IL1RAPL1: variants seen among roughly 807,000 people sequenced by gnomAD.
IL1RAPL1 encodes interleukin 1 receptor accessory protein like 1, also known as interleukin-1 receptor accessory protein-like 1.
IL1RAPL1 carries 3 observed loss-of-function variants against 48.4 expected under a neutral mutation model. The ratio of observed to expected loss-of-function variants is 0.06; its 90% CI spans 0.03 to 0.16. The LOEUF (loss-of-function observed/expected upper bound fraction) is 0.16, where lower values mean the gene tolerates loss of function less well. Among genes scored for constraint, IL1RAPL1 ranks in the 10% least tolerant of loss-of-function variants. IL1RAPL1 has a pLI of 1.00. For synonymous variants in IL1RAPL1, 185 were observed against 187.7 expected (o/e 0.99, Z 0.12); for missense variants, 349 against 530.6 (o/e 0.66, Z 3.36).
chrX:29,156,400 G>C (rs1380065161), intron 2 of IL1RAPL1, among the ~76,000 whole-genome samples: 1 of 111,826 alleles, frequency 8.9e-6, no homozygotes, highest in Non-Finnish European at 1.9e-5. Context: ...GATCACAGTT[G>C]GTATTAGATT....
intron 1 of IL1RAPL1, among the ~76,000 whole-genome samples, chrX:28,679,882 A>G (rs899243367): frequency 1.8e-5 from 2 of 111,713 alleles, no homozygotes; most frequent in African/African-American, 6.5e-5. Context: ...TTTTGAAACC[A>G]GGAAGTATGA....
At chrX:29,789,344 G>A (rs772435798) in intron 6 of IL1RAPL1, among the ~76,000 whole-genome samples, 20 of 111,895 alleles carry the variant, frequency 1.8e-4, no homozygotes, top group Non-Finnish European at 3.2e-4. Flanking sequence ...TATGACAGTT[G>A]TTAGAAATGT....
intron 8 of IL1RAPL1, among the ~76,000 whole-genome samples, chrX:29,938,554 T>TA (rs1176973168): frequency 2.7e-5 from 3 of 111,834 alleles, no homozygotes; most frequent in Non-Finnish European, 5.6e-5. Context: ...GGTTAGAACT[T>TA]ACGTTTTTCT....
chrX:29,683,774 C>T (rs1228668190), intron 6 of IL1RAPL1, among the ~76,000 whole-genome samples: 1 of 112,130 alleles, frequency 8.9e-6, no homozygotes, highest in Non-Finnish European at 1.9e-5. Context: ...GAGTCTATGT[C>T]TCATCAAGTA....
intron 1 of IL1RAPL1, among the ~76,000 whole-genome samples, 193 bp downstream of exon 1, chrX:28,588,240 GTGTGTGTA>G (rs1569133890): frequency 9.6e-5 from 10 of 104,240 alleles, no homozygotes; most frequent in African/African-American, 1.8e-4. Flanking sequence ...GTGTGTGTGT[GTGTGTGTA>G]TGTGTGTGTG....
chrX:28,722,002 G>A (rs1392638628), intron 1 of IL1RAPL1, among the ~76,000 whole-genome samples: 7 of 111,524 alleles, frequency 6.3e-5, no homozygotes, highest in Admixed American at 1.9e-4. Context: ...CTGTAGCCTT[G>A]TAGTATAGTT....
chrX:29,443,703 A>G (rs1304667530), intron 5 of IL1RAPL1, among the ~76,000 whole-genome samples: 1 of 111,935 alleles, frequency 8.9e-6, no homozygotes, highest in Non-Finnish European at 1.9e-5. Context: ...TGCTTACAGT[A>G]TGGTGGGGTC....
At chrX:29,016,832 A>G (rs958136972) in intron 2 of IL1RAPL1, among the ~76,000 whole-genome samples, 1 of 111,527 alleles carries the variant, frequency 9.0e-6, no homozygotes, top group Non-Finnish European at 1.9e-5. Flanking sequence ...TATATTGTGC[A>G]GTGGTGAAGT....
chrX:29,809,573 T>A (rs964287319), intron 6 of IL1RAPL1, among the ~76,000 whole-genome samples: 21 of 111,367 alleles, frequency 1.9e-4, no homozygotes, highest in African/African-American at 6.5e-4. Flanking sequence ...AGTCATCTTT[T>A]TTTTTCTAAT....
At chrX:29,007,949 T>C (rs1463173212) in intron 2 of IL1RAPL1, among the ~76,000 whole-genome samples, 1 of 111,959 alleles carries the variant, frequency 8.9e-6, no homozygotes, top group Non-Finnish European at 1.9e-5. Context: ...TATTTTATTT[T>C]TTAACGCAGA....
intron 5 of IL1RAPL1, among the ~76,000 whole-genome samples, chrX:29,649,821 T>C (rs1925457043): frequency 1.8e-5 from 2 of 111,180 alleles, no homozygotes; most frequent in Non-Finnish European, 3.8e-5. Context: ...ACTAAACTTT[T>C]CATGTTTGCA....
chrX:29,745,866 T>C (rs1159081264), intron 6 of IL1RAPL1, among the ~76,000 whole-genome samples: 1 of 111,405 alleles, frequency 9.0e-6, no homozygotes. Flanking sequence ...TAAAGTCGAG[T>C]CTCTGCTATC....
intron 6 of IL1RAPL1, among the ~76,000 whole-genome samples, chrX:29,696,800 T>A (rs186496959): frequency 0.016 from 1,740 of 110,962 alleles, 39 homozygotes; most frequent in African/African-American, 0.055. Flanking sequence ...TTTTTTTTTT[T>A]AAATTGGTAG....
At chrX:29,166,049 T>G (rs1929780967) in intron 2 of IL1RAPL1, among the ~76,000 whole-genome samples, 1 of 112,761 alleles carries the variant, frequency 8.9e-6, no homozygotes, top group African/African-American at 3.2e-5. Flanking sequence ...TATGTAAAAA[T>G]AACTTTGCAT....
At chrX:28,967,398 A>T (rs1312308404) in intron 2 of IL1RAPL1, among the ~76,000 whole-genome samples, 1 of 110,556 alleles carries the variant, frequency 9.0e-6, no homozygotes, top group Non-Finnish European at 1.9e-5. Flanking sequence ...TTCCTTCTTT[A>T]CCCTTATATC....
At position 29,217,522 on chromosome X, in the gene IL1RAPL1, C is replaced by T. The variant is rs529170695; in HGVS notation, c.83-65416C>T. Among the ~76,000 whole-genome samples the T allele has an allele frequency of 9.9e-5, 11 of 111,486 alleles. No homozygotes were observed. The South Asian group carries it at 3.0e-3, about 30-fold the overall frequency. On this transcript the variant is annotated intron_variant, in intron 2 of 10. Coordinates refer to ENST00000378993, the MANE Select transcript of IL1RAPL1 (RefSeq NM_014271.4). ...TCTTTATTATCTTATTTTGTTCTTGCGAAGTTAAAACATGATAATCTTGGT... is the reference window on the plus strand; with the variant it reads ...TCTTTATTATCTTATTTTGTTCTTGTGAAGTTAAAACATGATAATCTTGGT...
At chrX:29,169,637 T>G (rs1173781282) in intron 2 of IL1RAPL1, among the ~76,000 whole-genome samples, 1 of 111,118 alleles carries the variant, frequency 9.0e-6, no homozygotes, top group Non-Finnish European at 1.9e-5. Flanking sequence ...CCATGATTTC[T>G]TAAAGAGTAT....
intron 5 of IL1RAPL1, among the ~76,000 whole-genome samples, chrX:29,650,197 C>G (rs1451334634): frequency 9.0e-6 from 1 of 111,702 alleles, no homozygotes; most frequent in Non-Finnish European, 1.9e-5. Context: ...AATGTCCATA[C>G]TACTCAAAGT....
rs149714312 is a variant in IL1RAPL1 at position 28,631,926 on chromosome X, C to A, written c.-25+43879C>A. ...ATATTGGCAAGACTCATGAGCTATA[C>A]CTCTTTGTATCTGAATTCCTTATTT... On this transcript the variant is annotated intron_variant, in intron 1 of 10. Transcript: ENST00000378993. Among the ~76,000 whole-genome samples the A allele has an allele frequency of 8.7e-3, 973 of 112,353 alleles. 9 individuals are homozygous for A. Among genetic ancestry groups the A allele is most frequent in the Non-Finnish European group, 0.013 (689 of 53,283 alleles).
Sources: gnomAD v4.1 joint callset for allele counts (sites outside exome capture counted in the v4.1 genomes callset) on GRCh38, gnomAD v4.1.1 for gene constraint, MANE v1.5 for transcripts, NCBI Gene and HGNC (gene_info 2026-07-23, HGNC 2026-07-21) for gene names.